Variants in ZNF75D observed in about 807,000 individuals in gnomAD.
ZNF75D encodes the protein zinc finger protein 75.
ZNF75D carries 33 observed loss-of-function variants against 33.3 expected under a neutral mutation model. The observed-to-expected ratio is 0.99, with a 90% CI of 0.75 to 1.32. ZNF75D has a LOEUF of 1.32. Among genes scored for constraint, ZNF75D ranks in the 40% most tolerant of loss-of-function variants. The pLI, the probability that ZNF75D is intolerant of heterozygous loss-of-function variation, is 0.00. For missense variants in ZNF75D, 338 were observed against 367.5 expected, an observed-to-expected ratio of 0.92 and a Z score of 0.66; for synonymous variants, 113 against 130.6, an observed-to-expected ratio of 0.87 and a Z score of 0.92.
intron 1 of ZNF75D, among the ~76,000 whole-genome samples, chrX:135,326,074 C>G (rs2084569461): frequency 9.4e-6 from 1 of 105,872 alleles, no homozygotes; most frequent in African/African-American, 3.5e-5. Flanking sequence ...TTATGTCTAG[C>G]TCAGGGATTG....
downstream of ZNF75D, among the ~76,000 whole-genome samples, chrX:135,283,402 GC>G (rs782282914): frequency 3.6e-5 from 4 of 111,845 alleles, no homozygotes; most frequent in Non-Finnish European, 7.5e-5. Context: ...TTTGTAGGTA[GC>G]CCCCTCCTTT....
intron 1 of ZNF75D, among the ~76,000 whole-genome samples, chrX:135,322,535 T>C (rs893220233): frequency 8.0e-5 from 9 of 112,096 alleles, no homozygotes; most frequent in African/African-American, 2.9e-4. Context: ...GAGAGATAGA[T>C]AGGTAGATAG....
chrX:135,256,847 A>G (rs1556414245), intron 1 of ZNF75D, among the ~76,000 whole-genome samples: 2 of 112,179 alleles, frequency 1.8e-5, no homozygotes, highest in Non-Finnish European at 3.8e-5. Flanking sequence ...CAGCTGAATC[A>G]CAGTAGAATA....
chrX:135,340,464 C>T (rs1278748069), intron 1 of ZNF75D, among the ~76,000 whole-genome samples: 1 of 112,231 alleles, frequency 8.9e-6, no homozygotes, highest in African/African-American at 3.2e-5. Flanking sequence ...AGCTGATAAG[C>T]TAAAATGTTG....
intron 1 of ZNF75D, among the ~76,000 whole-genome samples, chrX:135,299,943 C>T (rs1556424179): frequency 8.9e-6 from 1 of 112,357 alleles, no homozygotes; most frequent in African/African-American, 3.2e-5. Context: ...GGCTTTGTTT[C>T]TGAACTTTCA....
At chrX:135,284,635 G>T (rs1556419024), downstream of ZNF75D, among the ~76,000 whole-genome samples, 2 of 112,118 alleles carry the variant, frequency 1.8e-5, no homozygotes, top group African/African-American at 6.5e-5. Flanking sequence ...TCTAAAGGCA[G>T]TCACTTCCTG....
At chrX:135,306,288 T>C (rs111372417) in intron 1 of ZNF75D, among the ~76,000 whole-genome samples, 1,150 of 83,145 alleles carry the variant, frequency 0.014, 27 homozygotes, top group African/African-American at 0.043. Flanking sequence ...CAGAGATACA[T>C]ACACACACAC....
intron 1 of ZNF75D, among the ~76,000 whole-genome samples, chrX:135,333,795 C>CA (rs1330385359): frequency 9.0e-6 from 1 of 110,696 alleles, no homozygotes; most frequent in African/African-American, 3.3e-5. Context: ...TAATTCCCCC[C>CA]AAAAAAAATC....
chrX:135,257,831 T>C (rs782423076), intron 1 of ZNF75D, among the ~76,000 whole-genome samples: 2 of 111,769 alleles, frequency 1.8e-5, no homozygotes, highest in East Asian at 5.6e-4. Context: ...TTATCATCAT[T>C]ATTATTATAC....
rs1251969230 is a variant in ZNF75D, at chrX:135,343,715, C to T, written c.-2338G>A. 3 of 111,789 alleles carry T rather than the reference C, an allele frequency of 2.7e-5. No homozygotes were observed. The highest frequency in any genetic ancestry group is 9.8e-5 in the African/African-American group (3 of 30,717). The allele number at this position is 111,789 out of a possible 1,213,427, so 9.2% of individuals were successfully genotyped here. A position where few individuals can be genotyped will look rare whatever the true frequency, so the allele number is the denominator to read the frequency against. On this transcript the variant is annotated 5_prime_UTR_variant, in exon 1 of 7. Transcript: ENST00000370766. ...TCAGGCTTCCAGACCACCTTGGCCC[C>T]GAAACCAGTTGTGCCCGCCGGCCAA...
Position 135,269,567 on chromosome X carries a change from C to T in ZNF75D, n.828-13790G>A, listed in dbSNP as rs1202407404. Among the ~76,000 whole-genome samples the T allele has an allele frequency of 5.4e-5, 6 of 111,942 alleles. No homozygotes were observed. In the South Asian group the frequency reaches 2.2e-3, roughly 41 times the overall value. On this transcript the variant is annotated intron_variant and non_coding_transcript_variant, in intron 1 of 3. Transcript: ENST00000494295. ...TTGGATATCATCTCACCACAGCTAA[C>T]GTGTTATTTTTCCAGAAGTGAGGCA...
intron 1 of ZNF75D, among the ~76,000 whole-genome samples, chrX:135,277,513 T>C (rs1323430351): frequency 8.9e-6 from 1 of 112,747 alleles, no homozygotes; most frequent in Non-Finnish European, 1.9e-5. Context: ...TTGTCAATTT[T>C]GGCTTTTGTT....
At chrX:135,310,423 A>G (rs894165128) in intron 1 of ZNF75D, among the ~76,000 whole-genome samples, 13 of 112,225 alleles carry the variant, frequency 1.2e-4, no homozygotes, top group Non-Finnish European at 3.8e-5. Context: ...GGTGACTGAG[A>G]AGTGAGAGCT....
intron 1 of ZNF75D, among the ~76,000 whole-genome samples, chrX:135,312,935 A>G (rs1176002509): frequency 9.0e-6 from 1 of 111,449 alleles, no homozygotes; most frequent in Non-Finnish European, 1.9e-5. Flanking sequence ...ACACATTTTT[A>G]CCCATTCAGC....
chrX:135,337,073 G>C (rs189211201), intron 1 of ZNF75D, among the ~76,000 whole-genome samples: 4 of 111,915 alleles, frequency 3.6e-5, no homozygotes, highest in Non-Finnish European at 7.5e-5. Context: ...ACTTATCTGC[G>C]TGTGGGGGCA....
chrX:135,316,869 T>C (rs1368988723), intron 1 of ZNF75D, among the ~76,000 whole-genome samples: 1 of 110,639 alleles, frequency 9.0e-6, no homozygotes, highest in African/African-American at 3.3e-5. Context: ...TAAATTGTTT[T>C]CCTGATTTCT....
intron 1 of ZNF75D, among the ~76,000 whole-genome samples, chrX:135,272,431 A>G (rs1044274208): frequency 6.1e-4 from 66 of 108,629 alleles, no homozygotes; most frequent in African/African-American, 2.1e-3. Context: ...ACTGTATGCA[A>G]CCATGTTTTT....
chrX:135,273,171 T>G (rs1360561254), intron 1 of ZNF75D, among the ~76,000 whole-genome samples: 1 of 111,281 alleles, frequency 9.0e-6, no homozygotes, highest in Non-Finnish European at 1.9e-5. Flanking sequence ...CAGGGGAATA[T>G]CTCCCTCTCT....
intron 2 of ZNF75D, among the ~76,000 whole-genome samples, chrX:135,295,076 A>T (rs1366095576): frequency 8.9e-6 from 1 of 111,869 alleles, no homozygotes; most frequent in Non-Finnish European, 1.9e-5. Context: ...TTCTTTATAG[A>T]TGGGAAGGGT....
Sources: gnomAD v4.1 joint callset for allele counts (sites outside exome capture counted in the v4.1 genomes callset) on GRCh38, gnomAD v4.1.1 for gene constraint, MANE v1.5 for transcripts, NCBI Gene and HGNC (gene_info 2026-07-23, HGNC 2026-07-21) for gene names.